Variants in DPYSL4 observed in about 807,000 individuals in gnomAD.
DPYSL4 encodes dihydropyrimidinase like 4.
Under a neutral mutation model 63.4 loss-of-function variants are expected in DPYSL4, and 43 were observed. The observed-to-expected ratio is 0.68, with a 90% CI of 0.53 to 0.88. The LOEUF (loss-of-function observed/expected upper bound fraction) is 0.88, where lower values mean the gene tolerates loss of function less well. Among genes scored for constraint, DPYSL4 ranks in the 40% least tolerant of loss-of-function variants. The pLI is 0.00. For missense variants in DPYSL4, 733 were observed against 819.5 expected, an observed-to-expected ratio of 0.89 and a Z score of 1.29; for synonymous variants, 353 against 331.7, an observed-to-expected ratio of 1.06 and a Z score of -0.70.
At chr10:132,203,953 G>A in intron 13 of DPYSL4, 26 bp downstream of exon 13, 1 of 1,579,372 alleles carries the variant, frequency 6.3e-7, no homozygotes, top group South Asian at 1.1e-5. Context: ...GGCACCAGTG[G>A]GGGTGAGGGG....
At chr10:132,198,566 G>A in intron 7 of DPYSL4, 83 bp downstream of exon 7, 3 of 1,402,830 alleles carry the variant, frequency 2.1e-6, no homozygotes, top group Non-Finnish European at 1.9e-6. Context: ...CCCTGGCCCT[G>A]GGCTCCTGGC....
At chr10:132,191,237 G>A (rs1320489559) in intron 2 of DPYSL4, among the ~76,000 whole-genome samples, 3 of 77,696 alleles carry the variant, frequency 3.9e-5, no homozygotes, top group African/African-American at 4.4e-5. Flanking sequence ...ATCCAGGCAG[G>A]TGCAAATAGT....
chr10:132,202,536 A>AC (rs2062032617), intron 11 of DPYSL4, 110 bp from the exon 12 acceptor site: 1 of 1,404,918 alleles, frequency 7.1e-7, no homozygotes, highest in African/African-American at 1.4e-5. Context: ...CAGTGTAGGC[A>AC]CACCGGGCCT....
chr10:132,193,841 C>T (rs529004416), intron 3 of DPYSL4, among the ~76,000 whole-genome samples: 2 of 152,350 alleles, frequency 1.3e-5, no homozygotes, highest in South Asian at 2.1e-4. Flanking sequence ...TGAAACACCT[C>T]GCGGGACATT....
At chr10:132,201,734 G>A (rs2062020705) in intron 10 of DPYSL4, among the ~76,000 whole-genome samples, 2 of 152,088 alleles carry the variant, frequency 1.3e-5, no homozygotes, top group Admixed American at 6.5e-5. Context: ...CCGTCTTTGT[G>A]GGGTCCCAGC....
At position 132,200,366 on chromosome 10, in the gene DPYSL4, G is replaced by A. The variant is rs1313735670; in HGVS notation, c.822G>A (p.Val274=). 2 of 1,613,278 alleles carry A rather than the reference G, an allele frequency of 1.2e-6. No individual in the cohort carries two copies. The highest frequency in any genetic ancestry group is 1.7e-5 in the Admixed American group (1 of 60,010). ...IAQAKRRGVV[V]FGEPITASLG... ...GGCCTCGTGCTGCAGGGGTGGTCGT[G>A]TTTGGGGAGCCCATCACCGCCAGCC... Residue 274 remains valine, a synonymous_variant, in exon 9 of 14, where the codon GTG becomes GTA. Transcript: ENST00000338492.
rs776558755 is a variant in DPYSL4 at position 132,203,854 on chromosome 10, C to G, written c.1554C>G (p.Ala518=). 5 of 1,613,024 alleles carry G rather than the reference C, an allele frequency of 3.1e-6. No homozygotes were observed. The South Asian group carries it at 5.5e-5, about 18-fold the overall frequency. ...VPAKPGSGAP[A]RASCPGKISV... ...CCAAGCCAGGGAGTGGCGCTCCGGC[C>G]CGCGCGTCCTGCCCAGGCAAGATCT... The change falls in exon 13 of 14, where the codon GCC becomes GCG. Residue 518 remains alanine, a synonymous_variant. Coordinates refer to ENST00000338492, the MANE Select transcript of DPYSL4 (RefSeq NM_006426.3).
chr10:132,187,000 C>CCGGGG lies in DPYSL4; in HGVS notation c.-64_-63insCGGGG. The CCGGGG allele has an allele frequency of 9.0e-5, 1 of 11,124 alleles. No individual in the cohort carries two copies. The allele number at this position is 11,124 out of a possible 1,614,324, so 0.7% of individuals were successfully genotyped here. On this transcript the variant is annotated 5_prime_UTR_variant, in exon 1 of 14. Coordinates refer to ENST00000338492, the MANE Select transcript of DPYSL4 (RefSeq NM_006426.3). ...ACGCGTCCCGGCTCACGCGTCCCCC[C>CCGGGG]GCCCGCCCGCCCGCCCGCCCGCCCC... is the stretch of plus-strand genomic sequence containing the variant.
rs148495220 is a variant in DPYSL4, at chr10:132,200,919, C to T, written c.1046C>T (p.Ala349Val). 1.8e-4 allele frequency: 286 copies of T among 1,613,184 alleles called. No individual in the cohort carries two copies. Among genetic ancestry groups the T allele is most frequent in the Admixed American group, 3.5e-4 (21 of 59,990 alleles). ...AAGGCTGTGGGCAAGGACAACTTCG[C>T]GCTGATCCCCGAGGGCACCAACGGC... The part of the protein sequence containing the change: ...AQKAVGKDNF[A>V]LIPEGTNGIE... The change falls in exon 10 of 14, where the codon GCG becomes GTG. Residue 349 changes from alanine to valine, a missense_variant. Physicochemically the swap from Ala to Val is moderately conservative, Grantham distance 64. Coordinates refer to ENST00000338492, the MANE Select transcript of DPYSL4 (RefSeq NM_006426.3).
At chr10:132,196,369 G>A (rs2061944334) in intron 4 of DPYSL4, among the ~76,000 whole-genome samples, 1 of 152,230 alleles carries the variant, frequency 6.6e-6, no homozygotes, top group Non-Finnish European at 1.5e-5. Context: ...GATCTGGGTG[G>A]TCCCACAAGC....
intron 6 of DPYSL4, among the ~76,000 whole-genome samples, chr10:132,198,180 G>T (rs1286902876): frequency 1.3e-5 from 2 of 152,142 alleles, no homozygotes; most frequent in Admixed American, 6.5e-5. Context: ...CTGCAGCCTT[G>T]GGGGAGCCAC....
chr10:132,187,825 T>G (rs2061825385), intron 1 of DPYSL4, among the ~76,000 whole-genome samples: 1 of 152,192 alleles, frequency 6.6e-6, no homozygotes, highest in Non-Finnish European at 1.5e-5. Flanking sequence ...GGTCCCGCTC[T>G]GCCAGAAACA....
chr10:132,195,742 G>A (rs574520875), intron 4 of DPYSL4, among the ~76,000 whole-genome samples: 8 of 152,336 alleles, frequency 5.3e-5, no homozygotes, highest in African/African-American at 9.6e-5. Flanking sequence ...CTCCCTGCCC[G>A]GGGGCTGGTG....
chr10:132,192,664 C>G lies in DPYSL4; in HGVS notation c.135C>G (p.Ile45Met). ...AAATCTCTGCTGCTTTCAGACAAAT[C>G]GGAGAAAACCTCATCGTCCCTGGGG... ...VHVEDGLIKQ[I>M]GENLIVPGGI... The change falls in exon 3 of 14, where the codon ATC becomes ATG. Residue 45 changes from isoleucine to methionine, a missense_variant. Ile to Met is a conservative substitution (Grantham distance 10). Coordinates refer to ENST00000338492, the MANE Select transcript of DPYSL4 (RefSeq NM_006426.3). 1 of 1,600,942 alleles carries G rather than the reference C, an allele frequency of 6.2e-7. No homozygotes were observed. Among genetic ancestry groups the G allele is most frequent in the African/African-American group, 1.3e-5 (1 of 74,440 alleles).
At chr10:132,196,987 G>A (rs754261634) in intron 5 of DPYSL4, 34 bp from the exon 6 acceptor site, 5 of 1,612,808 alleles carry the variant, frequency 3.1e-6, no homozygotes, top group African/African-American at 1.3e-5. Context: ...TGCAGGCGCA[G>A]CCCCACCCAG....
intron 8 of DPYSL4, among the ~76,000 whole-genome samples, chr10:132,199,351 G>T (rs1316755932): frequency 1.3e-5 from 2 of 152,162 alleles, no homozygotes; most frequent in Non-Finnish European, 2.9e-5. Flanking sequence ...GGTGCTACCT[G>T]CCCACAGAAT....
chr10:132,204,027 C>G (rs900395092), intron 13 of DPYSL4, 100 bp downstream of exon 13: 1 of 1,424,168 alleles, frequency 7.0e-7, no homozygotes, highest in Non-Finnish European at 9.6e-7. Context: ...GGGCTGCACA[C>G]GGAAGGCACC....
Position 132,200,336 on chromosome 10 carries a change from TC to T in DPYSL4, c.812-19del. 1 of 1,612,428 alleles carries T rather than the reference TC, an allele frequency of 6.2e-7. No homozygotes were observed. Among genetic ancestry groups the T allele is most frequent in the Non-Finnish European group, 8.5e-7 (1 of 1,179,612 alleles). ...GTGCAGGTGGTCGGTGGGGCACCTC[TC>T]ATGGGCCTCGTGCTGCAGGGGTGGT... On this transcript the variant is annotated intron_variant, in intron 8 of 13. Coordinates refer to ENST00000338492, the MANE Select transcript of DPYSL4 (RefSeq NM_006426.3).
intron 1 of DPYSL4, among the ~76,000 whole-genome samples, chr10:132,189,064 C>A (rs1005242150): frequency 6.6e-6 from 1 of 152,336 alleles, no homozygotes; most frequent in East Asian, 1.9e-4. Context: ...ACCAATTGTG[C>A]ACTTCAGTTT....
Sources: gnomAD v4.1 joint callset for allele counts (sites outside exome capture counted in the v4.1 genomes callset) on GRCh38, gnomAD v4.1.1 for gene constraint, MANE v1.5 for transcripts, NCBI Gene and HGNC (gene_info 2026-07-23, HGNC 2026-07-21) for gene names.